The following MRTFA variants were observed in gnomAD, a reference collection of about 807,000 sequenced individuals.
The protein encoded by MRTFA is myocardin-related transcription factor A.
In MRTFA, 20 loss-of-function variants were observed where a neutral mutation model predicts 83.5. That is an observed-to-expected ratio of 0.24 (90% confidence interval 0.17 to 0.35). MRTFA has a LOEUF of 0.35. Ranked by LOEUF, MRTFA falls within the 10% of genes least tolerant of loss-of-function variation. The probability of loss-of-function intolerance (pLI) is 1.00; values close to 1 mark genes in which losing one functional copy is unlikely to be tolerated. For missense variants in MRTFA, 1,200 were observed against 1,224.7 expected, an observed-to-expected ratio of 0.98 and a Z score of 0.30; for synonymous variants, 659 against 541.2, an observed-to-expected ratio of 1.22 and a Z score of -3.02.
chr22:40,516,622 G>GA (rs903361071), intron 3 of MRTFA, among the ~76,000 whole-genome samples: 2 of 151,892 alleles, frequency 1.3e-5, no homozygotes, highest in African/African-American at 4.8e-5. Context: ...AGCTACAACG[G>GA]AAAAAATGTC....
chr22:40,513,769 A>G (rs2054708516), intron 3 of MRTFA, among the ~76,000 whole-genome samples: 1 of 152,070 alleles, frequency 6.6e-6, no homozygotes, highest in African/African-American at 2.4e-5. Context: ...CAAAATATGT[A>G]GTGCTTTTAA....
intron 7 of MRTFA, among the ~76,000 whole-genome samples, chr22:40,427,895 G>A (rs960574540): frequency 6.6e-6 from 1 of 152,110 alleles, no homozygotes; most frequent in Non-Finnish European, 1.5e-5. Flanking sequence ...TAGAGTGGGG[G>A]CTCTGAGATC....
In MRTFA at chr22:40,552,356, C is replaced by A. The variant is rs2055455316; in HGVS notation, c.-10G>T. ...CACTGGAGAAATCCACTTTGGCTTT[C>A]GTGATGGCAATCTGGAAATGGAAGA... On this transcript the variant is annotated 5_prime_UTR_variant, in exon 3 of 15. Coordinates refer to ENST00000355630, the MANE Select transcript of MRTFA (RefSeq NM_020831.6). 2.5e-6 allele frequency: 1 copy of A among 398,794 alleles called. No homozygotes were observed. Among genetic ancestry groups the A allele is most frequent in the South Asian group, 1.3e-4 (1 of 7,780 alleles). The allele number at this position is 398,794 out of a possible 1,614,324, so 24.7% of individuals were successfully genotyped here. A position where few individuals can be genotyped will look rare whatever the true frequency, so the allele number is the denominator to read the frequency against.
intron 3 of MRTFA, among the ~76,000 whole-genome samples, chr22:40,500,310 T>C (rs1602343052): frequency 6.9e-6 from 1 of 145,698 alleles, no homozygotes; most frequent in East Asian, 2.1e-4. Context: ...TACTTTCATA[T>C]TGCTTTCTTT....
At chr22:40,536,582 G>A (rs1295654082) in intron 3 of MRTFA, among the ~76,000 whole-genome samples, 1 of 96,110 alleles carries the variant, frequency 1.0e-5, no homozygotes, top group African/African-American at 4.1e-5. Context: ...GGGATGTGAG[G>A]AGCCCCTCTG....
At chr22:40,608,732 G>A (rs538019501) in intron 1 of MRTFA, among the ~76,000 whole-genome samples, 2 of 152,122 alleles carry the variant, frequency 1.3e-5, no homozygotes, top group Non-Finnish European at 2.9e-5. Flanking sequence ...GAGCCCTAGG[G>A]ATACTAGTGA....
intron 1 of MRTFA, among the ~76,000 whole-genome samples, chr22:40,631,726 G>T (rs2056644273): frequency 6.6e-6 from 1 of 152,192 alleles, no homozygotes; most frequent in Admixed American, 6.5e-5. Flanking sequence ...ACCTAATTTA[G>T]TGTCTACCTC....
intron 4 of MRTFA, among the ~76,000 whole-genome samples, chr22:40,443,458 G>A (rs2053318519): frequency 6.6e-6 from 1 of 151,986 alleles, no homozygotes; most frequent in Admixed American, 6.6e-5. Flanking sequence ...GAGACATGGT[G>A]GTAAGTTCCC....
rs749760507 is a variant in MRTFA at position 40,418,715 on chromosome 22, C to T, written c.2023G>A (p.Val675Met). The change falls in exon 12 of 15, where the codon GTG becomes ATG. Residue 675 changes from valine (V) to methionine (M), a missense_variant. Around this residue, in one of 2 missense-constraint regions of MRTFA, gnomAD observed 1,107 missense variants for 1,041.8 expected, o/e 1.06. Transcript: ENST00000355630. The stretch of plus-strand genomic sequence containing the variant: ...CTGGAGAAGCTGTTCTCCTGCTTCA[C>T]GGGGGTGCCGAGGGGGGCGGGGGCG... 237 of 496,414 alleles carry T rather than the reference C, an allele frequency of 4.8e-4. 2 individuals are homozygous for T. The highest frequency in any genetic ancestry group is 1.9e-3 in the Admixed American group (24 of 12,342). 30.8% of individuals were successfully genotyped at this position (496,414 alleles called of 1,614,324 possible).
In MRTFA at chr22:40,526,017, CTT is replaced by C. The variant is rs879551118; in HGVS notation, c.241+26087_241+26088del. Among the ~76,000 whole-genome samples the C allele has an allele frequency of 4.2e-5, 6 of 143,838 alleles. No homozygotes were observed. The East Asian group carries it at 8.0e-4, about 19-fold the overall frequency. The allele number at this position is 143,838 out of a possible 152,430, so 94.4% of individuals were successfully genotyped here. ...GGAGTGCGCCTAACTAAAAAAGTAA[CTT>C]TTTTTTTTTTTTAAGAGACATGGTC... On this transcript the variant is annotated intron_variant, in intron 3 of 14. Transcript: ENST00000355630.
chr22:40,536,877 C>T (rs1242511324), intron 3 of MRTFA, among the ~76,000 whole-genome samples: 32 of 44,398 alleles, frequency 7.2e-4, no homozygotes, highest in African/African-American at 2.5e-3. Context: ...GCAACCACCC[C>T]GTCTGAGAAG....
chr22:40,423,406 A>G (rs1258419161), intron 9 of MRTFA, 130 bp downstream of exon 9: 3 of 837,130 alleles, frequency 3.6e-6, no homozygotes, highest in Admixed American at 3.3e-5. Flanking sequence ...GAACGGGAAG[A>G]AACTCCCAGA....
At chr22:40,486,056 T>C (rs1212331631) in intron 3 of MRTFA, among the ~76,000 whole-genome samples, 1 of 152,220 alleles carries the variant, frequency 6.6e-6, no homozygotes, top group African/African-American at 2.4e-5. Context: ...AGCACATACC[T>C]GAATGCCCTA....
intron 5 of MRTFA, among the ~76,000 whole-genome samples, chr22:40,432,109 G>A (rs1364510227): frequency 6.6e-6 from 1 of 152,116 alleles, no homozygotes; most frequent in Non-Finnish European, 1.5e-5. Flanking sequence ...AGCCAGATGT[G>A]GTGGCTGGCG....
At chr22:40,536,981 C>CGGAG (rs1411145253) in intron 3 of MRTFA, among the ~76,000 whole-genome samples, 2 of 92,748 alleles carry the variant, frequency 2.2e-5, no homozygotes, top group Non-Finnish European at 4.5e-5. Context: ...GGAGCGTCTC[C>CGGAG]GCCCGGCAGC....
At chr22:40,538,959 G>A (rs1264137291) in intron 3 of MRTFA, among the ~76,000 whole-genome samples, 2 of 150,374 alleles carry the variant, frequency 1.3e-5, no homozygotes, top group African/African-American at 4.9e-5. Flanking sequence ...CACTCTAAAG[G>A]GACATTATAC....
intron 3 of MRTFA, among the ~76,000 whole-genome samples, chr22:40,498,440 T>G (rs1266028504): frequency 1.3e-5 from 2 of 150,226 alleles, no homozygotes; most frequent in Non-Finnish European, 3.0e-5. Flanking sequence ...CAAGCTACCA[T>G]GCCCAGCTGA....
chr22:40,456,375 G>A (rs1216157375), intron 4 of MRTFA, among the ~76,000 whole-genome samples: 4 of 151,956 alleles, frequency 2.6e-5, no homozygotes, highest in Admixed American at 1.3e-4. Context: ...ATTCTGGTTC[G>A]GGGATTGTTC....
At chr22:40,591,347 T>C (rs1463347324) in intron 2 of MRTFA, among the ~76,000 whole-genome samples, 3 of 151,980 alleles carry the variant, frequency 2.0e-5, no homozygotes. Context: ...TCCCTTCTTT[T>C]CAAGGTTACA....
Sources: gnomAD v4.1 joint callset for allele counts (sites outside exome capture counted in the v4.1 genomes callset) on GRCh38, gnomAD v4.1.1 for gene constraint, gnomAD v4.1.1 regional missense constraint, MANE v1.5 for transcripts, NCBI Gene and HGNC (gene_info 2026-07-23, HGNC 2026-07-21) for gene names.